Variants in ZNF433 observed in about 807,000 individuals in gnomAD.
ZNF433 encodes zinc finger protein 433.
ZNF433 carries 12 observed loss-of-function variants against 10.6 expected under a neutral mutation model. The ratio of observed to expected loss-of-function variants is 1.13; its 90% confidence interval spans 0.72 to 1.83. The LOEUF (loss-of-function observed/expected upper bound fraction) is 1.83, where lower values mean the gene tolerates loss of function less well. Ranked by LOEUF, ZNF433 falls within the 40% of genes most tolerant of loss-of-function variation. The pLI is 0.00. For synonymous variants in ZNF433, 272 were observed against 271.3 expected (o/e 1.00, Z -0.02); for missense variants, 737 against 798.0 (o/e 0.92, Z 0.92).
intron 1 of ZNF433, among the ~76,000 whole-genome samples, chr19:12,034,064 G>A (rs1975162474): frequency 6.6e-6 from 1 of 152,158 alleles, no homozygotes; most frequent in Non-Finnish European, 1.5e-5. Context: ...TAAACTTAAT[G>A]CCTATAGTAC....
At chr19:12,030,218 A>AT (rs1034212751) in intron 1 of ZNF433, 2 of 415,548 alleles carry the variant, frequency 4.8e-6, no homozygotes, top group Non-Finnish European at 9.3e-6. Flanking sequence ...AGAAATGTTT[A>AT]TTTTTTTATT....
chr19:12,019,874 C>T (rs1974398568), intron 1 of ZNF433, among the ~76,000 whole-genome samples: 1 of 152,124 alleles, frequency 6.6e-6, no homozygotes, highest in South Asian at 2.1e-4. Context: ...TGCAACTATA[C>T]ACTTAAAACT....
intron 1 of ZNF433, among the ~76,000 whole-genome samples, chr19:12,032,612 T>C (rs1975089818): frequency 6.6e-6 from 1 of 151,890 alleles, no homozygotes. Context: ...GTCTCCCTAG[T>C]AGTTGGGATT....
In ZNF433 at chr19:12,015,852, C is replaced by T; in HGVS notation, c.1006G>A (p.Glu336Lys). 3.7e-6 allele frequency: 6 copies of T among 1,613,972 alleles called. No individual in the cohort carries two copies. The highest frequency in any genetic ancestry group is 5.1e-6 in the Non-Finnish European group (6 of 1,179,974). ...AATACTTTCCCACAATGTTTACATT[C>T]ATAGGGTTTTTTCCTAGAGTGGGTT... The part of the protein sequence containing the change: ...ERTHSRKKPY[E>K]CKHCGKVLSY... The change falls in exon 4 of 4, where the codon GAA becomes AAA. Residue 336 changes from glutamate (E) to lysine (K), a missense_variant. Transcript: ENST00000550507.
chr19:12,029,245 G>A (rs1974885111), intron 1 of ZNF433, among the ~76,000 whole-genome samples: 1 of 152,054 alleles, frequency 6.6e-6, no homozygotes, highest in African/African-American at 2.4e-5. Flanking sequence ...GCATAAGCTG[G>A]GTGTGGTAGC....
intron 1 of ZNF433, chr19:12,026,856 A>G: frequency 2.2e-6 from 1 of 454,040 alleles, no homozygotes; most frequent in Middle Eastern, 6.9e-4. Context: ...TCTGAACAAA[A>G]TGGTCAGATG....
chr19:12,029,327 G>A (rs2145471536), intron 1 of ZNF433, among the ~76,000 whole-genome samples: 1 of 152,020 alleles, frequency 6.6e-6, no homozygotes, highest in East Asian at 1.9e-4. Context: ...TTCAAGACCA[G>A]CCTAGCCAAC....
chr19:12,017,761 A>C lies in ZNF433; in HGVS notation c.191+115T>G, dbSNP rs1430943993. The C allele has an allele frequency of 2.5e-5, 19 of 749,992 alleles. No individual in the cohort carries two copies. The Admixed American group carries it at 5.4e-4, about 21-fold the overall frequency. 46.5% of individuals were successfully genotyped at this position (749,992 alleles called of 1,614,324 possible). A position where few individuals can be genotyped will look rare whatever the true frequency, so the allele number is the denominator to read the frequency against. On this transcript the variant is annotated intron_variant, in intron 3 of 3. Transcript: ENST00000550507. ...TGTGTTTAGAGAAAATTTTCTAAGA[A>C]TAAATAGATTGAAATTGTGCTTATT... is the stretch of plus-strand genomic sequence containing the variant.
At position 12,015,767 on chromosome 19, in the gene ZNF433, T is replaced by G. The variant is rs763018051; in HGVS notation, c.1091A>C (p.Lys364Thr). Reference protein sequence around the residue: ...LGMHTGEISHKCKICGKAFYS... With the variant: ...LGMHTGEISHTCKICGKAFYS... ...AAAGGCTTTCCCACATATCTTACAT[T>G]TATGAGATATCTCTCCAGTGTGCAT... Residue 364 changes from lysine to threonine, a missense_variant, in exon 4 of 4, where the codon AAA (lysine) becomes ACA (threonine). Coordinates refer to ENST00000550507, the MANE Select transcript of ZNF433 (RefSeq NM_001308348.2). 3 of 1,613,772 alleles carry G rather than the reference T, an allele frequency of 1.9e-6. No homozygotes were observed. The South Asian group carries it at 3.3e-5, about 18-fold the overall frequency.
In ZNF433 at chr19:12,014,790, T is replaced by C. The variant is rs185252567; in HGVS notation, c.*55A>G. 1.3e-3 allele frequency: 1,695 copies of C among 1,347,192 alleles called. 23 individuals are homozygous for C. The African/African-American group carries it at 0.023, about 18-fold the overall frequency. The allele number at this position is 1,347,192 out of a possible 1,614,324, so 83.5% of individuals were successfully genotyped here. On this transcript the variant is annotated 3_prime_UTR_variant, in exon 4 of 4. Transcript: ENST00000550507. The stretch of plus-strand genomic sequence containing the variant: ...AGTCTCACTATGTTGCCCAGGCTGG[T>C]CTTGAACTCCTGGGCTTAAGCAGTC...
intron 1 of ZNF433, among the ~76,000 whole-genome samples, chr19:12,033,594 G>A (rs937658264): frequency 2.4e-4 from 37 of 152,094 alleles, no homozygotes; most frequent in African/African-American, 6.7e-4. Context: ...AGGCCAAGGC[G>A]GGTGGATCAC....
At chr19:12,023,265 G>A (rs888937915) in intron 1 of ZNF433, 1 of 152,108 alleles carries the variant, frequency 6.6e-6, no homozygotes, top group African/African-American at 2.4e-5. Flanking sequence ...AGGGGTCTGT[G>A]GACACTTGCC....
chr19:12,021,305 G>T (rs1216764387), intron 1 of ZNF433, among the ~76,000 whole-genome samples: 1 of 152,068 alleles, frequency 6.6e-6, no homozygotes, highest in Non-Finnish European at 1.5e-5. Context: ...GACCAAACTT[G>T]ATCTCACAGC....
rs1398612872 is a variant in ZNF433 at position 12,015,503 on chromosome 19, C to T, written c.1355G>A (p.Cys452Tyr). ...TGEKPYACKE[C>Y]GKPFSNFSFF... is the part of the protein sequence containing the mutation. ...AGAGAAATTACTAAATGGTTTTCCA[C>T]ATTCCTTACATGCATAGGGTTTCTC... is the stretch of plus-strand genomic sequence containing the variant. Residue 452 changes from cysteine (C) to tyrosine (Y), a missense_variant, in exon 4 of 4, where the codon TGT (cysteine) becomes TAT (tyrosine). Coordinates refer to ENST00000550507, the MANE Select transcript of ZNF433 (RefSeq NM_001308348.2). 3 of 1,613,970 alleles carry T rather than the reference C, an allele frequency of 1.9e-6. No individual in the cohort carries two copies. The highest frequency in any genetic ancestry group is 2.7e-5 in the African/African-American group (2 of 74,896).
chr19:12,033,592 G>A (rs1386230713), intron 1 of ZNF433, among the ~76,000 whole-genome samples: 1 of 151,968 alleles, frequency 6.6e-6, no homozygotes, highest in African/African-American at 2.4e-5. Context: ...GGAGGCCAAG[G>A]CGGGTGGATC....
intron 1 of ZNF433, among the ~76,000 whole-genome samples, chr19:12,027,727 A>T (rs1396715871): frequency 6.6e-6 from 1 of 152,086 alleles, no homozygotes; most frequent in Non-Finnish European, 1.5e-5. Flanking sequence ...CCGATTTGCC[A>T]CTCCACATTC....
intron 1 of ZNF433, among the ~76,000 whole-genome samples, chr19:12,020,225 T>C (rs1974417595): frequency 6.6e-6 from 1 of 152,092 alleles, no homozygotes; most frequent in Admixed American, 6.6e-5. Flanking sequence ...TGAGCCGAGA[T>C]TGTGCCACTG....
chr19:12,024,313 CTG>C (rs1230972603), intron 1 of ZNF433: 2 of 152,328 alleles, frequency 1.3e-5, no homozygotes, highest in African/African-American at 4.8e-5. Flanking sequence ...ATTTAAAAGA[CTG>C]TTTCTTTACT....
chr19:12,026,743 CAACGATTCCTAT>C (rs1283179996), intron 1 of ZNF433: 2 of 454,018 alleles, frequency 4.4e-6, no homozygotes, highest in African/African-American at 4.0e-5. Context: ...AGGTGCTGCA[CAACGATTCCTAT>C]GGAGTCATTA....
Sources: allele counts gnomAD v4.1 joint callset (sites outside exome capture counted in the v4.1 genomes callset), GRCh38; gene constraint gnomAD v4.1.1; transcripts MANE v1.5; gene names NCBI Gene and HGNC (gene_info 2026-07-23, HGNC 2026-07-21).